Variants in THRSP observed in about 807,000 individuals in gnomAD.
THRSP encodes thyroid hormone-inducible hepatic protein.
Under a neutral mutation model 11.1 loss-of-function variants are expected in THRSP, and 9 were observed. The observed-to-expected ratio is 0.81, with a 90% CI of 0.49 to 1.42. The LOEUF is 1.42. THRSP is among the 40% of genes most tolerant of loss of function. The probability of loss-of-function intolerance (pLI) is 0.00; values close to 1 mark genes in which losing one functional copy is unlikely to be tolerated. For synonymous variants in THRSP, 73 were observed against 78.1 expected, an observed-to-expected ratio of 0.94 and a Z score of 0.34; for missense variants, 177 against 188.2, an observed-to-expected ratio of 0.94 and a Z score of 0.35.
intron 1 of THRSP, among the ~76,000 whole-genome samples, chr11:78,065,051 A>G (rs1428413322): frequency 2.0e-5 from 3 of 151,804 alleles, no homozygotes; most frequent in Admixed American, 6.6e-5. Context: ...TGTGAATTCC[A>G]TTTGTGTGAC....
At chr11:78,067,073 G>A (rs561045363) in intron 1 of THRSP, among the ~76,000 whole-genome samples, 13 of 148,754 alleles carry the variant, frequency 8.7e-5, no homozygotes, top group South Asian at 2.1e-4. Context: ...GATCCTCCCC[G>A]CTCGGCTTCC....
intron 1 of THRSP, among the ~76,000 whole-genome samples, chr11:78,067,072 C>G (rs910179499): frequency 1.3e-5 from 2 of 150,862 alleles, no homozygotes; most frequent in African/African-American, 2.4e-5. Context: ...TGATCCTCCC[C>G]GCTCGGCTTC....
Position 78,064,030 on chromosome 11 carries a change from A to C in THRSP, c.149A>C (p.Gln50Pro). 1 of 1,614,178 alleles carries C rather than the reference A, an allele frequency of 6.2e-7. No homozygotes were observed. Among genetic ancestry groups the C allele is most frequent in the Non-Finnish European group, 8.5e-7 (1 of 1,180,038 alleles). The change falls in exon 1 of 2, where the codon CAG (glutamine) becomes CCG (proline). Residue 50 changes from glutamine (Q) to proline (P), a missense_variant. Gln to Pro is a moderately conservative substitution (Grantham distance 76). Transcript: ENST00000281030. ...CTGAGTGGGCCTGGGGGCCAGGCCC[A>C]GGCTGAGGCCCCTGATCTCTACACC... ...VQLSGPGGQA[Q>P]AEAPDLYTYF...
intron 1 of THRSP, among the ~76,000 whole-genome samples, chr11:78,067,217 A>C (rs1321498995): frequency 1.3e-5 from 2 of 149,952 alleles, no homozygotes; most frequent in Non-Finnish European, 3.0e-5. Context: ...TGCCTCCCAG[A>C]TTCAAGCAAG....
At chr11:78,067,475 C>A (rs908373266) in intron 1 of THRSP, among the ~76,000 whole-genome samples, 184 bp from the exon 2 acceptor site, 1 of 152,204 alleles carries the variant, frequency 6.6e-6, no homozygotes, top group African/African-American at 2.4e-5. Context: ...TAAAATATAG[C>A]AGAGAAATCA....
At chr11:78,065,448 GATA>G (rs1858709463) in intron 1 of THRSP, among the ~76,000 whole-genome samples, 1 of 152,158 alleles carries the variant, frequency 6.6e-6, no homozygotes, top group African/African-American at 2.4e-5. Context: ...TTCACTCATG[GATA>G]AAGACTAGTA....
At chr11:78,067,114 C>T (rs1375125698) in intron 1 of THRSP, among the ~76,000 whole-genome samples, 26 of 132,598 alleles carry the variant, frequency 2.0e-4, no homozygotes, top group African/African-American at 6.3e-4. Flanking sequence ...CGTGAGCCAC[C>T]GCACCCAACC....
chr11:78,068,340 C>T lies in THRSP; in HGVS notation c.*701C>T, dbSNP rs930446292. 4 of 152,066 alleles carry T rather than the reference C, an allele frequency of 2.6e-5. No homozygotes were observed. Among genetic ancestry groups the T allele is most frequent in the Non-Finnish European group, 5.9e-5 (4 of 68,012 alleles). The allele number at this position is 152,066 out of a possible 1,614,324, so 9.4% of individuals were successfully genotyped here. ...TTTATTGCAGAACTAATAAAAAATC[C>T]AAAGCCTTGTATTTGTACATCTTTA... On this transcript the variant is annotated 3_prime_UTR_variant, in exon 2 of 2. Transcript: ENST00000281030.
chr11:78,064,041 C>A lies in THRSP; in HGVS notation c.160C>A (p.Pro54Thr), dbSNP rs1401649292. ...TGGGGGCCAGGCCCAGGCTGAGGCCCCTGATCTCTACACCTACTTCACCAT... is the reference window on the plus strand; with the variant it reads ...TGGGGGCCAGGCCCAGGCTGAGGCCACTGATCTCTACACCTACTTCACCAT... Reference protein sequence around the residue: ...GPGGQAQAEAPDLYTYFTMLK... With the variant: ...GPGGQAQAEATDLYTYFTMLK... The change falls in exon 1 of 2, where the codon CCT (proline) becomes ACT (threonine). Residue 54 changes from proline (P) to threonine (T), a missense_variant. Coordinates refer to ENST00000281030, the MANE Select transcript of THRSP (RefSeq NM_003251.4). 5.6e-6 allele frequency: 9 copies of A among 1,612,742 alleles called. 1 individual carries two copies. Among genetic ancestry groups the A allele is most frequent in the South Asian group, 2.2e-5 (2 of 90,984 alleles).
intron 1 of THRSP, among the ~76,000 whole-genome samples, chr11:78,066,919 C>CA: frequency 6.6e-6 from 1 of 151,610 alleles, no homozygotes; most frequent in South Asian, 2.1e-4. Flanking sequence ...CTCCACCTCC[C>CA]GATTCAAGCA....
At chr11:78,066,342 T>C (rs1858739475) in intron 1 of THRSP, among the ~76,000 whole-genome samples, 1 of 152,154 alleles carries the variant, frequency 6.6e-6, no homozygotes, top group South Asian at 2.1e-4. Flanking sequence ...TTTTTTAAAA[T>C]CTTTAGTAGA....
intron 1 of THRSP, among the ~76,000 whole-genome samples, chr11:78,065,539 CATT>C (rs1228774839): frequency 6.6e-6 from 1 of 152,184 alleles, no homozygotes; most frequent in Non-Finnish European, 1.5e-5. Flanking sequence ...AAACTGGTCT[CATT>C]AGTTGTAAAC....
At chr11:78,066,669 ACT>A (rs1342267858) in intron 1 of THRSP, among the ~76,000 whole-genome samples, 4 of 151,936 alleles carry the variant, frequency 2.6e-5, no homozygotes, top group African/African-American at 9.7e-5. Flanking sequence ...TAGAAACCAC[ACT>A]CTGACTCACT....
intron 1 of THRSP, among the ~76,000 whole-genome samples, chr11:78,066,563 A>G (rs1858749618): frequency 6.6e-6 from 1 of 152,178 alleles, no homozygotes; most frequent in African/African-American, 2.4e-5. Context: ...ACCCTGGCCT[A>G]ATTAGTCTAA....
At position 78,066,868 on chromosome 11, in the gene THRSP, C is replaced by T. The variant is rs573431175; in HGVS notation, c.*20-791C>T. 1.8e-4 allele frequency among the ~76,000 whole-genome samples: 27 copies of T among 152,156 alleles called. 1 individual carries two copies. The highest frequency in any genetic ancestry group is 1.4e-3 in the Admixed American group (22 of 15,266). ...TTTGAGATGGAGTCTCACCCTATTG[C>T]CAGGCTGGAGTGCAGTGGCGCGATC... On this transcript the variant is annotated intron_variant, in intron 1 of 1. Transcript: ENST00000281030.
At position 78,064,116 on chromosome 11, in the gene THRSP, G is replaced by A; in HGVS notation, c.235G>A (p.Glu79Lys). The change falls in exon 1 of 2, where the codon GAG becomes AAG. Residue 79 changes from glutamate (E) to lysine (K), a missense_variant. By Grantham distance (56) the Glu-to-Lys change is moderately conservative. Coordinates refer to ENST00000281030, the MANE Select transcript of THRSP (RefSeq NM_003251.4). ...GGACCATGGGCTGCTGCCGCGGGAG[G>A]AGTGGCAGGCCAAGGTGGCAGGCAG... Reference protein sequence around the residue: ...DVDHGLLPREEWQAKVAGSEE... With the variant: ...DVDHGLLPREKWQAKVAGSEE... 4 of 1,614,192 alleles carry A rather than the reference G, an allele frequency of 2.5e-6. No homozygotes were observed. The highest frequency in any genetic ancestry group is 2.5e-6 in the Non-Finnish European group (3 of 1,180,034).
chr11:78,066,889 C>T (rs1391325483), intron 1 of THRSP, among the ~76,000 whole-genome samples: 3 of 151,998 alleles, frequency 2.0e-5, no homozygotes, highest in African/African-American at 7.3e-5. Context: ...TGCAGTGGCG[C>T]GATCTCAGCT....
At chr11:78,064,419 A>C (rs2136804199) in intron 1 of THRSP, 78 bp downstream of exon 1, 1 of 1,314,634 alleles carries the variant, frequency 7.6e-7, no homozygotes, top group East Asian at 2.5e-5. Context: ...GGTGCAACCC[A>C]CTGGGAGAGG....
intron 1 of THRSP, among the ~76,000 whole-genome samples, chr11:78,066,456 C>T (rs1455500889): frequency 1.3e-5 from 2 of 152,202 alleles, no homozygotes; most frequent in Non-Finnish European, 2.9e-5. Flanking sequence ...TGAGCCACCG[C>T]GCCCAGCCTA....
Sources: gnomAD v4.1 joint callset for allele counts (sites outside exome capture counted in the v4.1 genomes callset) on GRCh38, gnomAD v4.1.1 for gene constraint, MANE v1.5 for transcripts, NCBI Gene and HGNC (gene_info 2026-07-23, HGNC 2026-07-21) for gene names.